Variants in IGFL4 observed in about 807,000 individuals in gnomAD.
IGFL4 encodes insulin growth factor-like family member 4.
IGFL4 carries 12 observed loss-of-function variants against 15.4 expected under a neutral mutation model. The observed-to-expected ratio is 0.78, with a 90% CI of 0.50 to 1.26. The LOEUF (loss-of-function observed/expected upper bound fraction) is 1.26. IGFL4 is among the 50% of genes most tolerant of loss of function. The pLI is 0.00. For missense variants in IGFL4, 126 were observed against 147.8 expected, an observed-to-expected ratio of 0.85 and a Z score of 0.76; for synonymous variants, 54 against 55.9, an observed-to-expected ratio of 0.97 and a Z score of 0.16.
At chr19:46,053,688 A>T (rs1014272323) in intron 2 of IGFL4, among the ~76,000 whole-genome samples, 2 of 152,210 alleles carry the variant, frequency 1.3e-5, no homozygotes, top group African/African-American at 2.4e-5. Flanking sequence ...TAGTTTTTAA[A>T]GAACCTCCAT....
chr19:46,074,322 A>C (rs1434610037), intron 1 of IGFL4, among the ~76,000 whole-genome samples: 1 of 151,660 alleles, frequency 6.6e-6, no homozygotes. Flanking sequence ...TATATATCTT[A>C]TTATTGTGGG....
At chr19:46,043,616 C>A (rs529748827), upstream of IGFL4, among the ~76,000 whole-genome samples, 10 of 152,180 alleles carry the variant, frequency 6.6e-5, 1 homozygote, top group African/African-American at 2.2e-4. Flanking sequence ...TGGAGCAGAA[C>A]AGATTTCAGA....
rs765726824 is a variant in IGFL4, at chr19:46,040,173, G to A, written c.314C>T (p.Thr105Ile). ...MKPDCKSSPITRICAQEYHPK... is the reference protein window; with the variant it reads ...MKPDCKSSPIIRICAQEYHPK... ...GATCCTTACCTGGGCACAGATCCTG[G>A]TGATAGGGGAGGACTTGCAATCTGG... The change falls in exon 3 of 4, where the codon ACC becomes ATC. Residue 105 changes from threonine to isoleucine, a missense_variant. By Grantham distance (89) the Thr-to-Ile change is moderately conservative (BLOSUM62 -1). Transcript: ENST00000377697. This position sits in a 1 kb window ranked among gnomAD's most constrained non-coding sequence, Gnocchi z 4.1. 1.2e-6 allele frequency: 2 copies of A among 1,613,922 alleles called. No homozygotes were observed. Among genetic ancestry groups the A allele is most frequent in the Non-Finnish European group, 1.7e-6 (2 of 1,180,040 alleles).
upstream of IGFL4, among the ~76,000 whole-genome samples, chr19:46,042,239 G>A (rs1005272545): frequency 2.6e-5 from 4 of 152,156 alleles, no homozygotes; most frequent in African/African-American, 9.7e-5. Context: ...TATTTGCATA[G>A]ATATGTCTGT....
At chr19:46,063,151 T>C (rs1346400454) in intron 1 of IGFL4, among the ~76,000 whole-genome samples, 2 of 152,188 alleles carry the variant, frequency 1.3e-5, no homozygotes, top group South Asian at 2.1e-4. Context: ...ATTATTTTTA[T>C]TGTGGTAGAA....
At chr19:46,076,522 G>A (rs772799034) in intron 1 of IGFL4, among the ~76,000 whole-genome samples, 17 of 151,992 alleles carry the variant, frequency 1.1e-4, no homozygotes, top group Non-Finnish European at 1.9e-4. Flanking sequence ...TTTCTCCAAG[G>A]ACTGTGCAGT....
chr19:46,053,089 G>A (rs1476319299), intron 2 of IGFL4, among the ~76,000 whole-genome samples: 1 of 152,104 alleles, frequency 6.6e-6, no homozygotes, highest in African/African-American at 2.4e-5. Flanking sequence ...ATTGGGGATA[G>A]GCAAGTTGTA....
intron 2 of IGFL4, among the ~76,000 whole-genome samples, chr19:46,055,573 CT>C (rs1481871454): frequency 7.2e-5 from 11 of 152,042 alleles, no homozygotes; most frequent in African/African-American, 2.4e-4. Context: ...TTTGAATTTG[CT>C]TATTAGTGTT....
chr19:46,058,133 T>C (rs1969410215), intron 2 of IGFL4: 1 of 152,182 alleles, frequency 6.6e-6, no homozygotes, highest in African/African-American at 2.4e-5. Flanking sequence ...CAAGGTGAGT[T>C]CCTTCCACCT....
Position 46,039,811 on chromosome 19 carries a change from C to CAAA in IGFL4, c.*80_*81insTTT, listed in dbSNP as rs941943979. The CAAA allele has an allele frequency of 1.6e-6, 2 of 1,269,548 alleles. No homozygotes were observed. The highest frequency in any genetic ancestry group is 3.0e-5 in the African/African-American group (2 of 67,762). 78.6% of individuals were successfully genotyped at this position (1,269,548 alleles called of 1,614,324 possible). A position where few individuals can be genotyped will look rare whatever the true frequency, so the allele number is the denominator to read the frequency against. ...TGGGGGACAGAGTGAAACTCTGTCA[C>CAAA]AACAACAACAAAATCAATGCAGTAT... On this transcript the variant is annotated 3_prime_UTR_variant, in exon 4 of 4. Coordinates refer to ENST00000377697, the MANE Select transcript of IGFL4 (RefSeq NM_001002923.3).
rs1478328319 is a variant in IGFL4 at position 46,040,061 on chromosome 19, A to T, written c.330+96T>A. Reference sequence around the variant, plus strand: ...TTACTGAGAGATGGGAAGGTATGGAACCCAGCAGAGACTGCACATCTGGGT... The same window carrying T: ...TTACTGAGAGATGGGAAGGTATGGATCCCAGCAGAGACTGCACATCTGGGT... On this transcript the variant is annotated intron_variant, in intron 3 of 3. Transcript: ENST00000377697. The surrounding 1 kb of genome is among the most constrained non-coding windows in gnomAD (Gnocchi z 4.1). 6.5e-7 allele frequency: 1 copy of T among 1,542,432 alleles called. No individual in the cohort carries two copies. The highest frequency in any genetic ancestry group is 1.4e-5 in the African/African-American group (1 of 73,238).
upstream of IGFL4, chr19:46,041,047 C>G (rs1325992466): frequency 1.5e-6 from 2 of 1,292,014 alleles, no homozygotes; most frequent in African/African-American, 3.0e-5. Context: ...AGGATATGAA[C>G]TTACCGCCAT....
intron 2 of IGFL4, chr19:46,059,121 TTTTATCGGCAAGGTC>T (rs1201246980): frequency 6.6e-6 from 1 of 152,150 alleles, no homozygotes; most frequent in East Asian, 1.9e-4. Flanking sequence ...CTACAACCTG[TTTTATCGGCAAGGTC>T]TTTATAAGCT....
At chr19:46,042,226 G>T (rs756647481), upstream of IGFL4, among the ~76,000 whole-genome samples, 2 of 152,112 alleles carry the variant, frequency 1.3e-5, no homozygotes, top group Non-Finnish European at 2.9e-5. Context: ...TTCTGCAGTT[G>T]CGTATTTGCA....
At chr19:46,067,361 C>T (rs1267524671) in intron 1 of IGFL4, among the ~76,000 whole-genome samples, 1 of 152,160 alleles carries the variant, frequency 6.6e-6, no homozygotes, top group African/African-American at 2.4e-5. Flanking sequence ...TCACTCCCTT[C>T]CCTGGATTCT....
At chr19:46,077,466 A>G (rs1461806976), upstream of IGFL4, among the ~76,000 whole-genome samples, 1 of 152,238 alleles carries the variant, frequency 6.6e-6, no homozygotes, top group Non-Finnish European at 1.5e-5. The surrounding 1 kb of genome is among the most constrained non-coding windows in gnomAD (Gnocchi z 5.4). Context: ...GGGGGCAGCC[A>G]AAAGAAACCA....
In IGFL4 at chr19:46,040,541, C is replaced by A. The variant is rs748838730; in HGVS notation, c.47G>T (p.Gly16Val). 8 of 1,614,086 alleles carry A rather than the reference C, an allele frequency of 5.0e-6. No homozygotes were observed. Among genetic ancestry groups the A allele is most frequent in the Non-Finnish European group, 6.8e-6 (8 of 1,180,044 alleles). Residue 16 changes from glycine (G) to valine (V), a missense_variant, in exon 2 of 4, where the codon GGT becomes GTT. Transcript: ENST00000377697. The surrounding 1 kb of genome is among the most constrained non-coding windows in gnomAD (Gnocchi z 4.1). ...ACCTGTGACTCCTTCTGAGTTTGAA[C>A]CCAAAAGTTCAAAAATGAAGATGGC... ...SAAIFIFELL[G>V]SNSEGVTDLR...
intron 1 of IGFL4, among the ~76,000 whole-genome samples, chr19:46,070,571 C>T (rs1268924672): frequency 1.3e-5 from 2 of 152,068 alleles, no homozygotes; most frequent in Non-Finnish European, 2.9e-5. Context: ...AAGCTGCTGA[C>T]TTAACTACCC....
chr19:46,041,880 C>T (rs1969248619), upstream of IGFL4, among the ~76,000 whole-genome samples: 3 of 148,356 alleles, frequency 2.0e-5, no homozygotes, highest in South Asian at 4.3e-4. Flanking sequence ...TCTCTGTCTC[C>T]CAGGCTGGAG....
Sources: allele counts gnomAD v4.1 joint callset (sites outside exome capture counted in the v4.1 genomes callset), GRCh38; gene constraint gnomAD v4.1.1; non-coding constraint Gnocchi (gnomAD v3.1); transcripts MANE v1.5; gene names NCBI Gene and HGNC (gene_info 2026-07-23, HGNC 2026-07-21).